ABHD18: variants seen among roughly 807,000 people sequenced by gnomAD.
ABHD18 encodes cardiolipin-specific deacylase, mitochondrial.
ABHD18 carries 55 observed loss-of-function variants against 65.9 expected under a neutral mutation model. The ratio of observed to expected loss-of-function variants is 0.84; its 90% CI spans 0.67 to 1.05. ABHD18 has a LOEUF of 1.05. Ranked by LOEUF, ABHD18 falls within the 50% of genes least tolerant of loss-of-function variation. The pLI is 0.00. For synonymous variants in ABHD18, 181 were observed against 180.2 expected, an observed-to-expected ratio of 1.00 and a Z score of -0.04; for missense variants, 533 against 558.5, an observed-to-expected ratio of 0.95 and a Z score of 0.46.
chr4:127,966,946 G>T (rs978457689), intron 1 of ABHD18, among the ~76,000 whole-genome samples: 1 of 149,394 alleles, frequency 6.7e-6, no homozygotes, highest in Admixed American at 6.7e-5. Flanking sequence ...TCTAAATCAA[G>T]ACCTGATATT....
chr4:127,997,073 T>C (rs768080659), intron 4 of ABHD18, among the ~76,000 whole-genome samples: 16 of 152,188 alleles, frequency 1.1e-4, no homozygotes, highest in Admixed American at 2.0e-4. Flanking sequence ...GCATAAGAAA[T>C]TATAAGAGTA....
At chr4:128,029,217 T>C (rs1168690963) in intron 11 of ABHD18, among the ~76,000 whole-genome samples, 1 of 150,776 alleles carries the variant, frequency 6.6e-6, no homozygotes, top group Non-Finnish European at 1.5e-5. Flanking sequence ...AAAGTAGTCA[T>C]GTGTGGTGTT....
intron 10 of ABHD18, among the ~76,000 whole-genome samples, chr4:128,023,255 A>G (rs142611682): frequency 4.7e-4 from 72 of 152,092 alleles, no homozygotes; most frequent in African/African-American, 1.7e-3. Context: ...TGCTTGCCTA[A>G]GAACTTTATT....
At chr4:127,996,588 C>T (rs1469949746) in intron 4 of ABHD18, among the ~76,000 whole-genome samples, 1 of 152,174 alleles carries the variant, frequency 6.6e-6, no homozygotes, top group Non-Finnish European at 1.5e-5. Context: ...AACATCTTAA[C>T]AGGAAACAGG....
chr4:128,016,648 G>A (rs1579387355), intron 7 of ABHD18, among the ~76,000 whole-genome samples: 2 of 152,068 alleles, frequency 1.3e-5, no homozygotes, highest in African/African-American at 2.4e-5. Flanking sequence ...GGTGGCTCAC[G>A]CCTGTAATTC....
Position 127,965,532 on chromosome 4 carries a change from C to A in ABHD18, c.-92C>A. 3.3e-6 allele frequency: 1 copy of A among 301,732 alleles called. No individual in the cohort carries two copies. The highest frequency in any genetic ancestry group is 6.5e-6 in the Non-Finnish European group (1 of 154,792). 18.7% of individuals were successfully genotyped at this position (301,732 alleles called of 1,614,324 possible). A position where few individuals can be genotyped will look rare whatever the true frequency, so the allele number is the denominator to read the frequency against. On this transcript the variant is annotated 5_prime_UTR_variant, in exon 1 of 13. In the 5' UTR this introduces an upstream ATG that the reference lacks. Coordinates refer to ENST00000645843, the MANE Select transcript of ABHD18 (RefSeq NM_001358451.3). The stretch of plus-strand genomic sequence containing the variant: ...TTGGGGCTGGGACCAAAGTTGAGTC[C>A]TGGAAAGGGAGCCTGGAGAGCGGCG...
intron 4 of ABHD18, among the ~76,000 whole-genome samples, chr4:128,004,780 G>A (rs1753308084): frequency 6.6e-6 from 1 of 150,860 alleles, no homozygotes; most frequent in Admixed American, 6.6e-5. Flanking sequence ...TTGTGGTGGT[G>A]TGTGCCTGTA....
chr4:127,974,412 C>A (rs1747498930), intron 1 of ABHD18, among the ~76,000 whole-genome samples: 1 of 151,818 alleles, frequency 6.6e-6, no homozygotes, highest in Non-Finnish European at 1.5e-5. Flanking sequence ...CTGTGTCACC[C>A]TGGCCTGGAG....
chr4:128,039,151 A>G lies in ABHD18; in HGVS notation c.*3338A>G, dbSNP rs1434193835. The G allele has an allele frequency of 1.6e-4, 7 of 45,084 alleles. No individual in the cohort carries two copies. The highest frequency in any genetic ancestry group is 5.6e-4 in the African/African-American group (6 of 10,660). The allele number at this position is 45,084 out of a possible 1,614,324, so 2.8% of individuals were successfully genotyped here. On this transcript the variant is annotated 3_prime_UTR_variant, in exon 13 of 13. Transcript: ENST00000645843. ...TATATATACACACATATGCATATAT[A>G]TATATATATATATATATATATATAT...
In ABHD18 at chr4:128,039,153, A is replaced by G. The variant is rs1368220772; in HGVS notation, c.*3340A>G. Reference sequence around the variant, plus strand: ...TATATACACACATATGCATATATATATATATATATATATATATATATATAT... The same window carrying G: ...TATATACACACATATGCATATATATGTATATATATATATATATATATATAT... On this transcript the variant is annotated 3_prime_UTR_variant, in exon 13 of 13. Transcript: ENST00000645843. The G allele has an allele frequency of 5.5e-4, 37 of 66,722 alleles. No homozygotes were observed. Among genetic ancestry groups the G allele is most frequent in the African/African-American group, 2.3e-3 (37 of 15,800 alleles). The allele number at this position is 66,722 out of a possible 1,614,324, so 4.1% of individuals were successfully genotyped here. A position where few individuals can be genotyped will look rare whatever the true frequency, so the allele number is the denominator to read the frequency against.
At chr4:127,983,813 C>T (rs1173260183) in intron 2 of ABHD18, among the ~76,000 whole-genome samples, 4 of 151,170 alleles carry the variant, frequency 2.6e-5, no homozygotes, top group Admixed American at 2.6e-4. Flanking sequence ...TGCAGTGAGC[C>T]GAGATCGCGC....
chr4:128,009,647 A>T (rs931915039), intron 6 of ABHD18: 2 of 154,724 alleles, frequency 1.3e-5, no homozygotes, highest in Non-Finnish European at 2.9e-5. Flanking sequence ...TTAAAACAAC[A>T]ATGATCAAAT....
intron 6 of ABHD18, among the ~76,000 whole-genome samples, chr4:128,010,652 C>T (rs777566389): frequency 6.6e-6 from 1 of 150,766 alleles, no homozygotes; most frequent in African/African-American, 2.4e-5. Context: ...GTGGCTCACG[C>T]CCTGTAATCC....
chr4:128,033,789 G>A (rs1758548330), intron 12 of ABHD18, among the ~76,000 whole-genome samples: 1 of 151,768 alleles, frequency 6.6e-6, no homozygotes, highest in Non-Finnish European at 1.5e-5. Flanking sequence ...GCCTGTCTCG[G>A]CCTCCCAAAG....
rs139957914 is a variant in ABHD18 at position 127,999,061 on chromosome 4, A to AAT, written c.278+9251_278+9252dup. The stretch of plus-strand genomic sequence containing the variant: ...CGCAGACTTTCATTTAAATATATAA[A>AAT]ATATATATATATTTTTAAAAAACAT... On this transcript the variant is annotated intron_variant, in intron 4 of 12. Coordinates refer to ENST00000645843, the MANE Select transcript of ABHD18 (RefSeq NM_001358451.3). Among the ~76,000 whole-genome samples, 9 of 151,248 alleles carry AAT rather than the reference A, an allele frequency of 6.0e-5. 1 individual carries two copies. Among genetic ancestry groups the AAT allele is most frequent in the South Asian group, 2.1e-4 (1 of 4,812 alleles).
At chr4:128,016,750 C>A (rs1430322659) in intron 7 of ABHD18, among the ~76,000 whole-genome samples, 3 of 152,118 alleles carry the variant, frequency 2.0e-5, no homozygotes, top group Non-Finnish European at 4.4e-5. Context: ...CAACTCTAGC[C>A]TGGGCAACAG....
chr4:127,967,895 T>G (rs72920251), intron 1 of ABHD18, among the ~76,000 whole-genome samples: 1 of 152,136 alleles, frequency 6.6e-6, no homozygotes, highest in African/African-American at 2.4e-5. Context: ...TGCATTTCCT[T>G]AGGTGACTGC....
intron 10 of ABHD18, among the ~76,000 whole-genome samples, chr4:128,023,403 C>CAAAAA (rs59549849): frequency 1.3e-4 from 6 of 44,952 alleles, no homozygotes; most frequent in East Asian, 9.3e-4. Flanking sequence ...CTTGTCTCTA[C>CAAAAA]AAAAAAAAAA....
intron 4 of ABHD18, among the ~76,000 whole-genome samples, chr4:128,005,920 C>T (rs1000024844): frequency 6.6e-6 from 1 of 152,160 alleles, no homozygotes; most frequent in African/African-American, 2.4e-5. Context: ...TCTCATACAG[C>T]TAACAAAACA....
Sources: gnomAD v4.1 joint callset for allele counts (sites outside exome capture counted in the v4.1 genomes callset) on GRCh38, gnomAD v4.1.1 for gene constraint, MANE v1.5 for transcripts, NCBI Gene and HGNC (gene_info 2026-07-23, HGNC 2026-07-21) for gene names.